The following EFEMP1 variants were observed in gnomAD, a reference collection of about 807,000 sequenced individuals.
EFEMP1 encodes EGF-containing fibulin-like extracellular matrix protein 1.
In EFEMP1, 18 loss-of-function variants were observed where a neutral mutation model predicts 65.7. The observed-to-expected ratio is 0.27, with a 90% CI of 0.19 to 0.41. The LOEUF (loss-of-function observed/expected upper bound fraction) is 0.41, where lower values mean the gene tolerates loss of function less well. EFEMP1 is among the 10% of genes least tolerant of loss of function. EFEMP1 has a pLI of 1.00. For synonymous variants in EFEMP1, 237 were observed against 219.7 expected (o/e 1.08, Z -0.70); for missense variants, 469 against 624.8 (o/e 0.75, Z 2.66).
Position 55,922,605 on chromosome 2 carries a change from T to C in EFEMP1, c.-7-158A>G. On this transcript the variant is annotated intron_variant, in intron 2 of 11. Transcript: ENST00000355426. This position sits in a 1 kb window ranked among gnomAD's most constrained non-coding sequence, Gnocchi z 5.5. Reference sequence around the variant, plus strand: ...GCTTTCTCATCTCCCCTCCCCCTCCTGAACCTTCTCGGTAGCCAACGAACG... The same window carrying C: ...GCTTTCTCATCTCCCCTCCCCCTCCCGAACCTTCTCGGTAGCCAACGAACG... The C allele has an allele frequency of 1.4e-6, 1 of 719,348 alleles. No individual in the cohort carries two copies. The highest frequency in any genetic ancestry group is 1.5e-5 in the South Asian group (1 of 65,210). The allele number at this position is 719,348 out of a possible 1,614,324, so 44.6% of individuals were successfully genotyped here. A position where few individuals can be genotyped will look rare whatever the true frequency, so the allele number is the denominator to read the frequency against.
chr2:55,890,517 G>A (rs1249102393), intron 5 of EFEMP1, among the ~76,000 whole-genome samples: 1 of 152,058 alleles, frequency 6.6e-6, no homozygotes, highest in African/African-American at 2.4e-5. Flanking sequence ...TTTAAATACT[G>A]AGGGAACATT....
At chr2:55,890,657 A>G (rs527581144) in intron 5 of EFEMP1, among the ~76,000 whole-genome samples, 56 of 152,234 alleles carry the variant, frequency 3.7e-4, no homozygotes, top group African/African-American at 1.3e-3. Flanking sequence ...AAACTAGAAA[A>G]AGCCCTTCTT....
chr2:55,887,889 G>A (rs1233848694), intron 5 of EFEMP1, among the ~76,000 whole-genome samples: 1 of 152,100 alleles, frequency 6.6e-6, no homozygotes, highest in East Asian at 1.9e-4. Context: ...TGTTCTCATA[G>A]GAAAAAAATC....
At position 55,917,968 on chromosome 2, in the gene EFEMP1, G is replaced by A. The variant is rs1195900557; in HGVS notation, c.214C>T (p.Pro72Ser). 1.9e-6 allele frequency: 3 copies of A among 1,614,218 alleles called. No individual in the cohort carries two copies. The highest frequency in any genetic ancestry group is 2.5e-6 in the Non-Finnish European group (3 of 1,180,034). ...VNHYGGYLCL[P>S]KTAQIIVNNE... is the part of the protein sequence containing the mutation. ...TTGACAATAATCTGGGCTGTTTTCG[G>A]AAGGCAGAGGTATCCTCCATAGTGG... Residue 72 changes from proline (P) to serine (S), a missense_variant, in exon 5 of 12, where the codon CCG becomes TCG. Pro to Ser is a moderately conservative substitution (Grantham distance 74). Around this residue, in one of 3 missense-constraint regions of EFEMP1, gnomAD observed 4 missense variants for 23.6 expected, o/e 0.17. Coordinates refer to ENST00000355426, the MANE Select transcript of EFEMP1 (RefSeq NM_001039348.3). The surrounding 1 kb of genome is among the most constrained non-coding windows in gnomAD (Gnocchi z 6.3).
Position 55,877,168 on chromosome 2 carries a change from T to G in EFEMP1, c.761-426A>C, listed in dbSNP as rs569842539. Among the ~76,000 whole-genome samples, 8 of 152,310 alleles carry G rather than the reference T, an allele frequency of 5.3e-5. No individual in the cohort carries two copies. Among genetic ancestry groups the G allele is most frequent in the Admixed American group, 1.3e-4 (2 of 15,286 alleles). ...TCTCTCAGCATGCTGTACTGAAGAT[T>G]TATCTGTGCTATTTATTACTTTTTA... On this transcript the variant is annotated intron_variant, in intron 7 of 11. Transcript: ENST00000355426. This position sits in a 1 kb window ranked among gnomAD's most constrained non-coding sequence, Gnocchi z 4.5.
In EFEMP1 at chr2:55,922,898, C is replaced by G. The variant is rs1670955356; in HGVS notation, c.-8+1G>C. ...CGTTAAGGCTTTCCCAGTATACTCA[C>G]CTTGAGCTAGCAGAGTTCCTTGCAC... is the stretch of plus-strand genomic sequence containing the variant. On this transcript the variant is annotated splice_donor_variant, in intron 2 of 11. Transcript: ENST00000355426. LOFTEE classifies it low-confidence loss of function (5UTR_SPLICE). The surrounding 1 kb of genome is among the most constrained non-coding windows in gnomAD (Gnocchi z 5.5). The G allele has an allele frequency of 9.0e-7, 1 of 1,111,944 alleles. No individual in the cohort carries two copies. The highest frequency in any genetic ancestry group is 1.1e-6 in the Non-Finnish European group (1 of 903,816). 68.9% of individuals were successfully genotyped at this position (1,111,944 alleles called of 1,614,324 possible). A position where few individuals can be genotyped will look rare whatever the true frequency, so the allele number is the denominator to read the frequency against.
chr2:55,892,256 C>G (rs893588962), intron 5 of EFEMP1, among the ~76,000 whole-genome samples: 11 of 152,274 alleles, frequency 7.2e-5, no homozygotes, highest in African/African-American at 2.2e-4. Context: ...AATACATTCT[C>G]TGAGATCTGT....
At chr2:55,911,863 G>A (rs1231891037) in intron 5 of EFEMP1, among the ~76,000 whole-genome samples, 2 of 152,096 alleles carry the variant, frequency 1.3e-5, no homozygotes, top group Non-Finnish European at 2.9e-5. Flanking sequence ...TATAAATACT[G>A]CTCACAAATG....
rs200948195 is a variant in EFEMP1 at position 55,918,077 on chromosome 2, G to A, written c.131-26C>T. On this transcript the variant is annotated intron_variant, in intron 4 of 11. Transcript: ENST00000355426. Reference sequence around the variant, plus strand: ...CTGTGGTCAGTAATAAAATAAGTCAGGAATCTTCTAAGAGGGAAAAATCAA... The same window carrying A: ...CTGTGGTCAGTAATAAAATAAGTCAAGAATCTTCTAAGAGGGAAAAATCAA... 7.2e-5 allele frequency: 117 copies of A among 1,614,116 alleles called. 3 individuals are homozygous for A. The South Asian group carries it at 1.2e-3, about 17-fold the overall frequency.
chr2:55,875,108 T>G, intron 8 of EFEMP1, 43 bp from the exon 9 acceptor site: 1 of 1,492,382 alleles, frequency 6.7e-7, no homozygotes, highest in Non-Finnish European at 9.1e-7. Context: ...TTGAAAAGTT[T>G]GTGCACCACT....
At chr2:55,880,069 TGTAA>T (rs1156785623) in intron 6 of EFEMP1, among the ~76,000 whole-genome samples, 2 of 152,080 alleles carry the variant, frequency 1.3e-5, no homozygotes, top group Non-Finnish European at 2.9e-5. Context: ...GGCACCAAAG[TGTAA>T]GTAACACTGT....
Position 55,917,850 on chromosome 2 carries a change from C to T in EFEMP1, c.332G>A (p.Gly111Glu). The T allele has an allele frequency of 6.2e-7, 1 of 1,614,254 alleles. No homozygotes were observed. The highest frequency in any genetic ancestry group is 8.5e-7 in the Non-Finnish European group (1 of 1,180,044). Residue 111 changes from glycine (G) to glutamate (E), a missense_variant, in exon 5 of 12, where the codon GGA (glycine) becomes GAA (glutamate). Gly to Glu is a moderately conservative substitution (Grantham distance 98). Coordinates refer to ENST00000355426, the MANE Select transcript of EFEMP1 (RefSeq NM_001039348.3). The surrounding 1 kb of genome is among the most constrained non-coding windows in gnomAD (Gnocchi z 6.3). ...VVAASSMATSGVLPGGGFVAS... is the reference protein window; with the variant it reads ...VVAASSMATSEVLPGGGFVAS... ...CACAAAACCACCCCCGGGCAACACTCCACTGGTTGCCATGCTGCTGGCAGC... is the reference window on the plus strand; with the variant it reads ...CACAAAACCACCCCCGGGCAACACTTCACTGGTTGCCATGCTGCTGGCAGC...
At chr2:55,880,416 C>A (rs1669196496) in intron 6 of EFEMP1, among the ~76,000 whole-genome samples, 1 of 152,160 alleles carries the variant, frequency 6.6e-6, no homozygotes, top group Non-Finnish European at 1.5e-5. Flanking sequence ...AATACAATGG[C>A]CAAACTTTGT....
Position 55,922,539 on chromosome 2 carries a change from G to T in EFEMP1, c.-7-92C>A, listed in dbSNP as rs375398473. ...AGTGAGCACAAGCGAGGAAAGGAGG[G>T]TGGGAGAGGCTGAGGCTCCACCATA... On this transcript the variant is annotated intron_variant, in intron 2 of 11. Coordinates refer to ENST00000355426, the MANE Select transcript of EFEMP1 (RefSeq NM_001039348.3). The surrounding 1 kb of genome is among the most constrained non-coding windows in gnomAD (Gnocchi z 5.5). 5 of 1,179,176 alleles carry T rather than the reference G, an allele frequency of 4.2e-6. No homozygotes were observed. Among genetic ancestry groups the T allele is most frequent in the Non-Finnish European group, 5.0e-6 (4 of 796,914 alleles). 73.0% of individuals were successfully genotyped at this position (1,179,176 alleles called of 1,614,324 possible).
intron 5 of EFEMP1, among the ~76,000 whole-genome samples, chr2:55,910,809 A>G (rs1670453397): frequency 6.6e-6 from 1 of 152,200 alleles, no homozygotes. Context: ...CAGAGTCTAA[A>G]TGGAAAGAGA....
chr2:55,907,796 G>C (rs1054916887), intron 5 of EFEMP1, among the ~76,000 whole-genome samples: 1 of 152,156 alleles, frequency 6.6e-6, no homozygotes, highest in African/African-American at 2.4e-5. Flanking sequence ...GAGTAGGATT[G>C]GATTCCTTGC....
chr2:55,914,965 A>G (rs562007639), intron 5 of EFEMP1, among the ~76,000 whole-genome samples: 15 of 152,362 alleles, frequency 9.8e-5, no homozygotes, highest in African/African-American at 3.6e-4. Context: ...ATCTGCAGGC[A>G]ATTAGAAGAA....
chr2:55,901,319 A>G (rs967283963), intron 5 of EFEMP1, among the ~76,000 whole-genome samples: 2 of 152,238 alleles, frequency 1.3e-5, no homozygotes, highest in Admixed American at 6.5e-5. Flanking sequence ...GCTTGTCCTT[A>G]AAGTTTTTGT....
chr2:55,881,920 A>G (rs748659627), intron 5 of EFEMP1, among the ~76,000 whole-genome samples, 186 bp from the exon 6 acceptor site: 1 of 152,228 alleles, frequency 6.6e-6, no homozygotes, highest in Non-Finnish European at 1.5e-5. Context: ...AATACCAGTG[A>G]GTACTGCTCA....
Sources: gnomAD v4.1 joint callset for allele counts (sites outside exome capture counted in the v4.1 genomes callset) on GRCh38, gnomAD v4.1.1 for gene constraint, gnomAD v4.1.1 regional missense constraint, Gnocchi (gnomAD v3.1) non-coding constraint, MANE v1.5 for transcripts, NCBI Gene and HGNC (gene_info 2026-07-23, HGNC 2026-07-21) for gene names.